The following PRDM11 variants were observed in gnomAD, a reference collection of about 807,000 sequenced individuals.
PRDM11 encodes PR domain-containing protein 11.
PRDM11 carries 20 observed loss-of-function variants against 97.8 expected under a neutral mutation model. That is an observed-to-expected ratio of 0.20 (90% CI 0.14 to 0.30). PRDM11 has a LOEUF of 0.30. Ranked by LOEUF, PRDM11 falls within the 10% of genes least tolerant of loss-of-function variation. The probability of loss-of-function intolerance (pLI) is 1.00; values close to 1 mark genes in which losing one functional copy is unlikely to be tolerated. For missense variants in PRDM11, 1,139 were observed against 1,555.2 expected (o/e 0.73, Z 4.50); for synonymous variants, 599 against 637.7 (o/e 0.94, Z 0.91).
In PRDM11 at chr11:45,182,272, T is replaced by C. The variant is rs776618042; in HGVS notation, c.146T>C (p.Met49Thr). 1.9e-6 allele frequency: 3 copies of C among 1,614,020 alleles called. No individual in the cohort carries two copies. The highest frequency in any genetic ancestry group is 2.2e-5 in the East Asian group (1 of 44,868). The change falls in exon 3 of 8, where the codon ATG becomes ACG. Residue 49 changes from methionine (M) to threonine (T), a missense_variant. Coordinates refer to ENST00000683152, the MANE Select transcript of PRDM11 (RefSeq NM_001384648.1). ...PCSRRPDSSA[M>T]EVEPKKLKGK... is the part of the protein sequence containing the mutation. ...TCTAGGAGACCGGACTCCTCGGCCA[T>C]GGAAGTTGAGCCCAAGAAACTGAAG...
chr11:45,201,156 A>C (rs1853313335), intron 4 of PRDM11, among the ~76,000 whole-genome samples: 2 of 152,240 alleles, frequency 1.3e-5, no homozygotes, highest in Non-Finnish European at 2.9e-5. Flanking sequence ...GCTACAGTAG[A>C]GGCCAGTACC....
chr11:45,221,073 A>C (rs1391755728), intron 6 of PRDM11, among the ~76,000 whole-genome samples: 1 of 152,156 alleles, frequency 6.6e-6, no homozygotes, highest in East Asian at 1.9e-4. Context: ...GAAGATGAAA[A>C]GGGGGTGGGA....
intron 1 of PRDM11, among the ~76,000 whole-genome samples, chr11:45,103,846 C>T (rs868501492): frequency 4.7e-4 from 71 of 151,418 alleles, no homozygotes; most frequent in African/African-American, 1.6e-3. Context: ...CTACCTTTAA[C>T]GGTGAAAACC....
intron 4 of PRDM11, 99 bp from the exon 5 acceptor site, chr11:45,204,612 G>C: frequency 9.4e-7 from 1 of 1,067,160 alleles, no homozygotes; most frequent in Non-Finnish European, 1.5e-6. Flanking sequence ...GGGGGAGGGA[G>C]CAGGTGGGAC....
At chr11:45,171,759 A>C (rs895658496) in intron 1 of PRDM11, among the ~76,000 whole-genome samples, 1 of 152,186 alleles carries the variant, frequency 6.6e-6, no homozygotes, top group Non-Finnish European at 1.5e-5. Flanking sequence ...CCCAGGCAAT[A>C]AAGCAGTGTA....
intron 1 of PRDM11, among the ~76,000 whole-genome samples, chr11:45,166,511 G>A (rs1852069632): frequency 1.3e-5 from 2 of 152,238 alleles, no homozygotes; most frequent in Non-Finnish European, 2.9e-5. Context: ...GTGGAGCATT[G>A]GAGATGGGGG....
At chr11:45,205,951 G>A (rs1423658940) in intron 5 of PRDM11, among the ~76,000 whole-genome samples, 3 of 152,158 alleles carry the variant, frequency 2.0e-5, no homozygotes, top group African/African-American at 7.2e-5. Flanking sequence ...AGACCAGCGG[G>A]CCCCCTGCCT....
intron 1 of PRDM11, among the ~76,000 whole-genome samples, chr11:45,161,091 C>T (rs1204611541): frequency 3.3e-5 from 5 of 152,042 alleles, no homozygotes; most frequent in Admixed American, 2.0e-4. Flanking sequence ...GCCACATAAC[C>T]TCTCTGTGCC....
At chr11:45,153,899 G>A (rs1161588920) in intron 1 of PRDM11, among the ~76,000 whole-genome samples, 1 of 152,174 alleles carries the variant, frequency 6.6e-6, no homozygotes, top group East Asian at 1.9e-4. Context: ...ATATGGATGA[G>A]GAACCTTGGG....
In PRDM11 at chr11:45,224,353, C is replaced by T; in HGVS notation, c.879C>T (p.His293=). 1 of 1,614,106 alleles carries T rather than the reference C, an allele frequency of 6.2e-7. No homozygotes were observed. ...YKRGFDEGDV[H]PQAKKKKIDL... is the part of the protein sequence containing the mutation. Reference sequence around the variant, plus strand: ...GTGGCTTTGATGAGGGGGATGTACACCCCCAAGCTAAGAAGAAGAAAATTG... The same window carrying T: ...GTGGCTTTGATGAGGGGGATGTACATCCCCAAGCTAAGAAGAAGAAAATTG... The change falls in exon 7 of 8, where the codon CAC becomes CAT. Residue 293 remains histidine (H), a synonymous_variant. Coordinates refer to ENST00000683152, the MANE Select transcript of PRDM11 (RefSeq NM_001384648.1).
chr11:45,215,351 A>G (rs1293787196), intron 5 of PRDM11, among the ~76,000 whole-genome samples: 1 of 152,200 alleles, frequency 6.6e-6, no homozygotes, highest in Admixed American at 6.5e-5. Flanking sequence ...TCCCCTTTCT[A>G]GAAGGTTCTA....
rs561239385 is a variant in PRDM11, at chr11:45,234,934, A to C, written c.*6775A>C. On this transcript the variant is annotated 3_prime_UTR_variant, in exon 8 of 8. Coordinates refer to ENST00000683152, the MANE Select transcript of PRDM11 (RefSeq NM_001384648.1). Reference sequence around the variant, plus strand: ...TATGTTAATACTTTCTTTAAAAAAAACCTCTTGATGTTATTATTTTGCAGA... The same window carrying C: ...TATGTTAATACTTTCTTTAAAAAAACCCTCTTGATGTTATTATTTTGCAGA... 9.9e-5 allele frequency: 15 copies of C among 152,100 alleles called. No homozygotes were observed. The highest frequency in any genetic ancestry group is 7.2e-4 in the Admixed American group (11 of 15,278). The allele number at this position is 152,100 out of a possible 1,614,324, so 9.4% of individuals were successfully genotyped here.
chr11:45,169,722 C>A (rs1461059784), intron 1 of PRDM11, among the ~76,000 whole-genome samples: 1 of 60,844 alleles, frequency 1.6e-5, no homozygotes, highest in Non-Finnish European at 4.0e-5. Flanking sequence ...AGGAACTCCC[C>A]CAGTGTCACA....
In PRDM11 at chr11:45,178,548, C is replaced by A. The variant is rs141582537; in HGVS notation, c.-6-3213C>A. On this transcript the variant is annotated intron_variant, in intron 1 of 7. Coordinates refer to ENST00000683152, the MANE Select transcript of PRDM11 (RefSeq NM_001384648.1). ...AGAGAGCTCCATAGGGAATCAAACC[C>A]CCACCCTGTTTTTCCTGCTGACGTC... is the stretch of plus-strand genomic sequence containing the variant. Among the ~76,000 whole-genome samples, 260 of 152,354 alleles carry A rather than the reference C, an allele frequency of 1.7e-3. 2 individuals are homozygous for A. Among genetic ancestry groups the A allele is most frequent in the African/African-American group, 5.9e-3 (246 of 41,580 alleles).
At chr11:45,140,342 C>G (rs1160050033) in intron 1 of PRDM11, among the ~76,000 whole-genome samples, 1 of 152,178 alleles carries the variant, frequency 6.6e-6, no homozygotes, top group Non-Finnish European at 1.5e-5. Flanking sequence ...ACTGTAGTCC[C>G]CCAGGAGTCA....
At chr11:45,122,516 G>C (rs1852460179) in intron 1 of PRDM11, among the ~76,000 whole-genome samples, 1 of 131,932 alleles carries the variant, frequency 7.6e-6, no homozygotes, top group Non-Finnish European at 1.6e-5. Flanking sequence ...ACAGTCCCTG[G>C]AGTGTGATGT....
At chr11:45,144,476 T>C (rs1187215251), upstream of PRDM11, among the ~76,000 whole-genome samples, 1 of 152,186 alleles carries the variant, frequency 6.6e-6, no homozygotes, top group Non-Finnish European at 1.5e-5. Context: ...GAGATTTAAA[T>C]AGAAAACCAA....
At chr11:45,132,641 CTGT>C (rs1396706301) in intron 1 of PRDM11, among the ~76,000 whole-genome samples, 8 of 152,214 alleles carry the variant, frequency 5.3e-5, no homozygotes, top group Non-Finnish European at 1.2e-4. Context: ...TGTTTCCATT[CTGT>C]TCCTCCATCC....
At chr11:45,204,968 C>T (rs924321370) in intron 5 of PRDM11, among the ~76,000 whole-genome samples, 190 bp downstream of exon 5, 3 of 152,146 alleles carry the variant, frequency 2.0e-5, no homozygotes, top group Non-Finnish European at 2.9e-5. Flanking sequence ...CTCTAGAGGA[C>T]GGCGTGTGGT....
Sources: allele counts gnomAD v4.1 joint callset (sites outside exome capture counted in the v4.1 genomes callset), GRCh38; gene constraint gnomAD v4.1.1; transcripts MANE v1.5; gene names NCBI Gene and HGNC (gene_info 2026-07-23, HGNC 2026-07-21).